IL1RAPL1: variants seen among roughly 807,000 people sequenced by gnomAD.
IL1RAPL1 encodes interleukin-1 receptor accessory protein-like 1.
IL1RAPL1 carries 3 observed loss-of-function variants against 48.4 expected under a neutral mutation model. That is an observed-to-expected ratio of 0.06 (90% CI 0.03 to 0.16). The LOEUF (loss-of-function observed/expected upper bound fraction) is 0.16. Among genes scored for constraint, IL1RAPL1 ranks in the 10% least tolerant of loss-of-function variants. IL1RAPL1 has a pLI of 1.00. For synonymous variants in IL1RAPL1, 185 were observed against 187.7 expected (o/e 0.99, Z 0.12); for missense variants, 349 against 530.6 (o/e 0.66, Z 3.36).
At chrX:29,724,448 TA>T (rs1489867454) in intron 6 of IL1RAPL1, among the ~76,000 whole-genome samples, 3 of 112,271 alleles carry the variant, frequency 2.7e-5, no homozygotes, top group African/African-American at 9.7e-5. Context: ...TGAGAATCAT[TA>T]CAAAGTAATA....
At chrX:29,013,880 A>G (rs190129948) in intron 2 of IL1RAPL1, among the ~76,000 whole-genome samples, 6 of 107,083 alleles carry the variant, frequency 5.6e-5, no homozygotes, top group Admixed American at 1.0e-4. Flanking sequence ...AAGTTGAAGG[A>G]AAAAAAAAAG....
chrX:29,195,997 A>G (rs1208902174), intron 2 of IL1RAPL1, among the ~76,000 whole-genome samples: 1 of 112,156 alleles, frequency 8.9e-6, no homozygotes, highest in African/African-American at 3.2e-5. Flanking sequence ...ACTTGACAAT[A>G]CTACCCCATT....
intron 2 of IL1RAPL1, among the ~76,000 whole-genome samples, chrX:28,952,885 A>G (rs1057507166): frequency 6.3e-5 from 7 of 111,575 alleles, no homozygotes; most frequent in African/African-American, 2.3e-4. Context: ...GCACAGACAT[A>G]TTAGCAGGAT....
intron 6 of IL1RAPL1, among the ~76,000 whole-genome samples, chrX:29,752,427 C>T (rs1271272682): frequency 2.1e-5 from 2 of 96,891 alleles, no homozygotes; most frequent in Non-Finnish European, 4.0e-5. Context: ...ACCCAGGAGG[C>T]GGAGGTTGCA....
chrX:29,126,297 CTT>C (rs1439542669), intron 2 of IL1RAPL1, among the ~76,000 whole-genome samples: 2 of 111,788 alleles, frequency 1.8e-5, no homozygotes, highest in Non-Finnish European at 3.8e-5. Context: ...TATAACCACT[CTT>C]GGGTTTCATA....
chrX:29,688,487 GCTTAA>G (rs1926687294), intron 6 of IL1RAPL1, among the ~76,000 whole-genome samples: 1 of 111,711 alleles, frequency 9.0e-6, no homozygotes, highest in African/African-American at 3.3e-5. Context: ...ATTTCAAGAA[GCTTAA>G]CTTAATTATA....
chrX:28,880,781 A>T (rs949953135), intron 2 of IL1RAPL1, among the ~76,000 whole-genome samples: 23 of 111,398 alleles, frequency 2.1e-4, no homozygotes, highest in Non-Finnish European at 1.1e-4. Context: ...CTATTTTATA[A>T]CTATAAATTT....
chrX:29,708,637 G>C (rs755003184), intron 6 of IL1RAPL1, among the ~76,000 whole-genome samples: 6 of 111,913 alleles, frequency 5.4e-5, no homozygotes, highest in Admixed American at 1.9e-4. Flanking sequence ...CACTTAGTTT[G>C]GTTCCATATG....
intron 2 of IL1RAPL1, among the ~76,000 whole-genome samples, chrX:28,960,779 T>G (rs1467309921): frequency 9.0e-6 from 1 of 110,575 alleles, no homozygotes; most frequent in African/African-American, 3.3e-5. Context: ...GAGGCCAAGA[T>G]GGGCGGATTC....
chrX:29,766,342 A>AAAAATATAT (rs1200679211), intron 6 of IL1RAPL1, among the ~76,000 whole-genome samples: 20 of 47,540 alleles, frequency 4.2e-4, no homozygotes, highest in African/African-American at 1.8e-3. Context: ...AAAAAAAAAA[A>AAAAATATAT]ATATATATAT....
intron 5 of IL1RAPL1, among the ~76,000 whole-genome samples, chrX:29,475,473 T>C (rs1161729622): frequency 8.9e-6 from 1 of 112,207 alleles, no homozygotes; most frequent in Non-Finnish European, 1.9e-5. Flanking sequence ...AGGTTTACCA[T>C]AGCGTTCTCC....
rs763211532 is a variant in IL1RAPL1 at position 28,998,620 on chromosome X, CAA to C, written c.82+209197_82+209198del. On this transcript the variant is annotated intron_variant, in intron 2 of 10. Transcript: ENST00000378993. The stretch of plus-strand genomic sequence containing the variant: ...TTTAAATTGAAACTCAATGCTTTTG[CAA>C]AGACAGTCTTGGGGTTATAAAATGA... 3.6e-5 allele frequency among the ~76,000 whole-genome samples: 4 copies of C among 111,981 alleles called. No homozygotes were observed. The East Asian group carries it at 8.4e-4, about 23-fold the overall frequency.
At chrX:29,727,524 A>G (rs1483907784) in intron 6 of IL1RAPL1, among the ~76,000 whole-genome samples, 3 of 112,073 alleles carry the variant, frequency 2.7e-5, no homozygotes, top group South Asian at 3.7e-4. Flanking sequence ...CTGGGATACT[A>G]CTTTGCTTTG....
At chrX:29,596,331 T>A (rs979521844) in intron 5 of IL1RAPL1, among the ~76,000 whole-genome samples, 1 of 112,386 alleles carries the variant, frequency 8.9e-6, no homozygotes, top group African/African-American at 3.2e-5. Flanking sequence ...AGTATGGTCA[T>A]TTTCACAATA....
At chrX:29,389,755 A>G (rs1051694997) in intron 3 of IL1RAPL1, among the ~76,000 whole-genome samples, 2 of 112,480 alleles carry the variant, frequency 1.8e-5, no homozygotes, top group Non-Finnish European at 3.7e-5. Flanking sequence ...AGTTCAATTC[A>G]CCAGTTCAAC....
intron 2 of IL1RAPL1, among the ~76,000 whole-genome samples, chrX:28,895,518 G>C (rs1235930028): frequency 9.1e-6 from 1 of 109,947 alleles, no homozygotes; most frequent in Non-Finnish European, 1.9e-5. Context: ...TGGGGAAAAG[G>C]GCAGCAATGA....
At chrX:29,258,680 C>G (rs1345785998) in intron 2 of IL1RAPL1, among the ~76,000 whole-genome samples, 1 of 110,838 alleles carries the variant, frequency 9.0e-6, no homozygotes, top group Non-Finnish European at 1.9e-5. Context: ...ATAACATTCC[C>G]CCACAGAGGC....
At chrX:29,608,638 A>G (rs1185625071) in intron 5 of IL1RAPL1, among the ~76,000 whole-genome samples, 1 of 106,846 alleles carries the variant, frequency 9.4e-6, no homozygotes, top group East Asian at 3.0e-4. Context: ...CATCCTGGCT[A>G]ACACGGTGAA....
At chrX:28,646,253 C>T (rs1433905371) in intron 1 of IL1RAPL1, among the ~76,000 whole-genome samples, 1 of 111,741 alleles carries the variant, frequency 8.9e-6, no homozygotes, top group Non-Finnish European at 1.9e-5. Context: ...CAATAGGGTT[C>T]ATACACCTAT....
Sources: gnomAD v4.1 joint callset for allele counts (sites outside exome capture counted in the v4.1 genomes callset) on GRCh38, gnomAD v4.1.1 for gene constraint, MANE v1.5 for transcripts, NCBI Gene and HGNC (gene_info 2026-07-23, HGNC 2026-07-21) for gene names.